SLC1A2: variants seen among roughly 807,000 people sequenced by gnomAD.
The protein encoded by SLC1A2 is excitatory amino acid transporter 2.
Under a neutral mutation model 48.8 loss-of-function variants are expected in SLC1A2, and 15 were observed. The ratio of observed to expected loss-of-function variants is 0.31; its 90% CI spans 0.21 to 0.47. The LOEUF (loss-of-function observed/expected upper bound fraction) is 0.47. SLC1A2 is among the 20% of genes least tolerant of loss of function. The pLI, the probability that SLC1A2 is intolerant of heterozygous loss-of-function variation, is 0.99. For synonymous variants in SLC1A2, 279 were observed against 272.6 expected (o/e 1.02, Z -0.23); for missense variants, 502 against 730.5 (o/e 0.69, Z 3.61).
chr11:35,348,823 G>A (rs2135070912), intron 1 of SLC1A2, among the ~76,000 whole-genome samples: 1 of 150,516 alleles, frequency 6.6e-6, no homozygotes, highest in South Asian at 2.1e-4. Context: ...AACCCAGGAG[G>A]TGGAGGCTGC....
intron 1 of SLC1A2, among the ~76,000 whole-genome samples, chr11:35,323,757 C>T (rs1852151517): frequency 6.6e-6 from 1 of 152,214 alleles, no homozygotes; most frequent in South Asian, 2.1e-4. Flanking sequence ...TAACAACAAC[C>T]ATTTCTTGAT....
chr11:35,330,416 T>C (rs1035979475), intron 1 of SLC1A2, among the ~76,000 whole-genome samples: 1 of 152,068 alleles, frequency 6.6e-6, no homozygotes, highest in African/African-American at 2.4e-5. Context: ...AGAAAGAAGG[T>C]GGTAGGGAGT....
chr11:35,410,353 T>TG (rs1358023801), intron 1 of SLC1A2, among the ~76,000 whole-genome samples: 1 of 152,240 alleles, frequency 6.6e-6, no homozygotes, highest in Non-Finnish European at 1.5e-5. Context: ...ATAGTCACCA[T>TG]GCTGAACAAT....
At chr11:35,269,963 C>G (rs1455192261) in intron 9 of SLC1A2, among the ~76,000 whole-genome samples, 1 of 151,970 alleles carries the variant, frequency 6.6e-6, no homozygotes, top group Non-Finnish European at 1.5e-5. Context: ...AAAAATTAGC[C>G]AGGCGTGGTG....
At chr11:35,301,361 C>A (rs1007618060) in intron 6 of SLC1A2, among the ~76,000 whole-genome samples, 158 bp downstream of exon 6, 2 of 152,162 alleles carry the variant, frequency 1.3e-5, no homozygotes, top group African/African-American at 4.8e-5. Context: ...CTAGGGGAAG[C>A]TCCAAAAAAG....
intron 1 of SLC1A2, chr11:35,391,015 A>G (rs745909766): frequency 6.6e-6 from 1 of 152,138 alleles, no homozygotes; most frequent in Non-Finnish European, 1.5e-5. Context: ...TTCCTTTTAT[A>G]GTGTGGCTAC....
At chr11:35,348,874 C>A (rs1027511364) in intron 1 of SLC1A2, among the ~76,000 whole-genome samples, 7 of 122,228 alleles carry the variant, frequency 5.7e-5, no homozygotes, top group Non-Finnish European at 8.0e-5. Flanking sequence ...GCCTGGGCGA[C>A]AGACCGAGAC....
chr11:35,339,393 T>C (rs1371550169), intron 1 of SLC1A2, among the ~76,000 whole-genome samples: 1 of 152,216 alleles, frequency 6.6e-6, no homozygotes, highest in Admixed American at 6.5e-5. Context: ...CATCTTCTTA[T>C]ACTCTGCTTT....
At chr11:35,413,247 C>T (rs979430072) in intron 1 of SLC1A2, among the ~76,000 whole-genome samples, 2 of 152,156 alleles carry the variant, frequency 1.3e-5, no homozygotes, top group African/African-American at 4.8e-5. Flanking sequence ...TAACCCCTGC[C>T]CTGCTGGACT....
intron 1 of SLC1A2, among the ~76,000 whole-genome samples, chr11:35,333,273 C>T (rs1852489407): frequency 6.6e-6 from 1 of 151,852 alleles, no homozygotes; most frequent in Non-Finnish European, 1.5e-5. Flanking sequence ...TAAAATTAGC[C>T]AGGTGTGGTG....
rs143534791 is a variant in SLC1A2, at chr11:35,413,131, T to C, written c.17+5819A>G. Among the ~76,000 whole-genome samples the C allele has an allele frequency of 6.2e-4, 95 of 152,210 alleles. No individual in the cohort carries two copies. The East Asian group carries it at 0.012, about 19-fold the overall frequency. On this transcript the variant is annotated intron_variant, in intron 1 of 10. Transcript: ENST00000278379. ...TCTCTCAATAACTTCCTTGGAAAGG[T>C]AAGGGGTCAGGCAGGTAACATGAGA...
intron 1 of SLC1A2, among the ~76,000 whole-genome samples, chr11:35,346,882 C>A (rs1362211825): frequency 6.6e-6 from 1 of 152,184 alleles, no homozygotes; most frequent in Non-Finnish European, 1.5e-5. Flanking sequence ...ATCTTGGACA[C>A]AGGATGGAAG....
At chr11:35,320,279 A>G (rs552339067) in intron 1 of SLC1A2, among the ~76,000 whole-genome samples, 3 of 152,316 alleles carry the variant, frequency 2.0e-5, no homozygotes, top group African/African-American at 4.8e-5. Flanking sequence ...AGTGTTCTCT[A>G]TGTATCAGAC....
At chr11:35,405,188 C>G (rs1443673503) in intron 1 of SLC1A2, among the ~76,000 whole-genome samples, 1 of 152,172 alleles carries the variant, frequency 6.6e-6, no homozygotes, top group African/African-American at 2.4e-5. Flanking sequence ...GAAAAGAACT[C>G]CATTTCAGGA....
At chr11:35,350,953 T>G (rs558602248) in intron 1 of SLC1A2, among the ~76,000 whole-genome samples, 1 of 152,300 alleles carries the variant, frequency 6.6e-6, no homozygotes, top group South Asian at 2.1e-4. Flanking sequence ...GCCACCAATA[T>G]TTTTACTTCC....
chr11:35,315,076 A>G lies in SLC1A2; in HGVS notation c.257T>C (p.Met86Thr). ...GAGAATGAGCATTTTTAGCATCCTC[A>G]TGAGTATATCCCCTGGGAAGGCTAT... ...MLIAFPGDIL[M>T]RMLKMLILPL... The change falls in exon 3 of 11, where the codon ATG (methionine) becomes ACG (threonine). Residue 86 changes from methionine (M) to threonine (T), a missense_variant. Coordinates refer to ENST00000278379, the MANE Select transcript of SLC1A2 (RefSeq NM_004171.4). 6.2e-7 allele frequency: 1 copy of G among 1,613,014 alleles called. No homozygotes were observed. The highest frequency in any genetic ancestry group is 8.5e-7 in the Non-Finnish European group (1 of 1,179,018).
intron 1 of SLC1A2, among the ~76,000 whole-genome samples, chr11:35,387,485 T>C (rs560524800): frequency 1.3e-5 from 2 of 152,260 alleles, no homozygotes; most frequent in South Asian, 2.1e-4. Context: ...CCCTGGAGAG[T>C]AACGGGTGTG....
At chr11:35,403,505 G>C (rs1855192655) in intron 1 of SLC1A2, among the ~76,000 whole-genome samples, 1 of 152,218 alleles carries the variant, frequency 6.6e-6, no homozygotes, top group African/African-American at 2.4e-5. Context: ...TGCCCTGTAG[G>C]ACTGGCTACA....
intron 1 of SLC1A2, chr11:35,404,232 C>T (rs567494088): frequency 1.3e-5 from 2 of 152,310 alleles, no homozygotes; most frequent in Non-Finnish European, 2.9e-5. Context: ...AGGCTTCCTG[C>T]TTTTAAGGCC....
Sources: allele counts gnomAD v4.1 joint callset (sites outside exome capture counted in the v4.1 genomes callset), GRCh38; gene constraint gnomAD v4.1.1; transcripts MANE v1.5; gene names NCBI Gene and HGNC (gene_info 2026-07-23, HGNC 2026-07-21).